GARRE1: variants seen among roughly 807,000 people sequenced by gnomAD.
The protein encoded by GARRE1 is granule associated Rac and RHOG effector protein 1.
In GARRE1, 49 loss-of-function variants were observed where a neutral mutation model predicts 103.2. The ratio of observed to expected loss-of-function variants is 0.47; its 90% CI spans 0.38 to 0.60. The LOEUF (loss-of-function observed/expected upper bound fraction) is 0.60. Ranked by LOEUF, GARRE1 falls within the 20% of genes least tolerant of loss-of-function variation. The pLI, the probability that GARRE1 is intolerant of heterozygous loss-of-function variation, is 0.00. For synonymous variants in GARRE1, 505 were observed against 532.8 expected, an observed-to-expected ratio of 0.95 and a Z score of 0.72; for missense variants, 1,199 against 1,370.5, an observed-to-expected ratio of 0.87 and a Z score of 1.98.
At position 34,330,300 on chromosome 19, in the gene GARRE1, G is replaced by A; in HGVS notation, c.1216G>A (p.Gly406Ser). 6.2e-7 allele frequency: 1 copy of A among 1,614,216 alleles called. No individual in the cohort carries two copies. The highest frequency in any genetic ancestry group is 8.5e-7 in the Non-Finnish European group (1 of 1,180,046). The stretch of plus-strand genomic sequence containing the variant: ...CCAGGTTTGCCCTTCCACATGGCGA[G>A]GTGCCTGCAAGACGGCGGTGCAGCT... The part of the protein sequence containing the change: ...LNQVCPSTWR[G>S]ACKTAVQLLF... Residue 406 changes from glycine (G) to serine (S), a missense_variant, in exon 7 of 14, where the codon GGT becomes AGT. Transcript: ENST00000299505.
intron 7 of GARRE1, among the ~76,000 whole-genome samples, 185 bp downstream of exon 7, chr19:34,330,532 A>G (rs2074132577): frequency 6.6e-6 from 1 of 152,228 alleles, no homozygotes; most frequent in Admixed American, 6.5e-5. Flanking sequence ...CTTTAAAAAG[A>G]AAAACCAGAT....
At chr19:34,307,546 C>CAT (rs2074012665) in intron 2 of GARRE1, among the ~76,000 whole-genome samples, 1 of 148,004 alleles carries the variant, frequency 6.8e-6, no homozygotes, top group Non-Finnish European at 1.5e-5. Context: ...ATATGCCAGA[C>CAT]ATATATATAA....
chr19:34,336,977 C>A (rs1166240794), intron 8 of GARRE1, among the ~76,000 whole-genome samples: 6 of 151,482 alleles, frequency 4.0e-5, no homozygotes, highest in Non-Finnish European at 7.4e-5. Flanking sequence ...CAAAAAACAC[C>A]TTGTAGACTG....
At chr19:34,264,605 A>G (rs193263611) in intron 1 of GARRE1, among the ~76,000 whole-genome samples, 9 of 152,212 alleles carry the variant, frequency 5.9e-5, no homozygotes, top group South Asian at 2.1e-4. Flanking sequence ...TCACTGTGTT[A>G]GCCAGGATGG....
intron 3 of GARRE1, among the ~76,000 whole-genome samples, chr19:34,325,712 C>T (rs1279672817): frequency 4.6e-5 from 7 of 152,186 alleles, no homozygotes; most frequent in East Asian, 1.9e-4. Flanking sequence ...CCCCTCAGCA[C>T]GACCTGCCTA....
chr19:34,327,426 A>G lies in GARRE1; in HGVS notation c.711A>G (p.Thr237=). 1.2e-6 allele frequency: 2 copies of G among 1,614,104 alleles called. No homozygotes were observed. Among genetic ancestry groups the G allele is most frequent in the Non-Finnish European group, 1.7e-6 (2 of 1,180,000 alleles). The change falls in exon 4 of 14, where the codon ACA becomes ACG. Residue 237 remains threonine, a synonymous_variant. Coordinates refer to ENST00000299505, the MANE Select transcript of GARRE1 (RefSeq NM_014686.5). ...AGTTACTATATATGTTACAGGCGAC[A>G]TCTAGACTAAGAGAAAGAGGCTGTG... ...VRSWRGAAEA[T]SRLRERGCDG... is the part of the protein sequence containing the mutation.
At chr19:34,262,830 G>C (rs889294675) in intron 1 of GARRE1, among the ~76,000 whole-genome samples, 3 of 152,090 alleles carry the variant, frequency 2.0e-5, no homozygotes, top group Admixed American at 2.0e-4. Flanking sequence ...AAGAAGCAAG[G>C]TACAGAACAA....
At chr19:34,304,529 C>A (rs958509770) in intron 2 of GARRE1, among the ~76,000 whole-genome samples, 2 of 151,814 alleles carry the variant, frequency 1.3e-5, no homozygotes, top group African/African-American at 2.4e-5. Context: ...GCACGTGCCA[C>A]CACACCTGGC....
intron 1 of GARRE1, among the ~76,000 whole-genome samples, chr19:34,259,685 A>G (rs1258080191): frequency 6.6e-6 from 1 of 151,070 alleles, no homozygotes; most frequent in African/African-American, 2.4e-5. Context: ...TTTGTTTTGT[A>G]TTTCATTCAG....
Position 34,300,367 on chromosome 19 carries a change from A to G in GARRE1, c.-107A>G. On this transcript the variant is annotated 5_prime_UTR_variant, in exon 2 of 14. Coordinates refer to ENST00000299505, the MANE Select transcript of GARRE1 (RefSeq NM_014686.5). ...GCCTCATGGAAATGCCTTTTTTAAA[A>G]CTTCGATTTGCAGAACTCCACTATT... 7.3e-7 allele frequency: 1 copy of G among 1,371,390 alleles called. No homozygotes were observed. The highest frequency in any genetic ancestry group is 9.8e-7 in the Non-Finnish European group (1 of 1,021,788). The allele number at this position is 1,371,390 out of a possible 1,614,324, so 85.0% of individuals were successfully genotyped here.
rs1248881512 is a variant in GARRE1 at position 34,354,712 on chromosome 19, G to A, written c.*1757G>A. The A allele has an allele frequency of 6.6e-6, 1 of 152,360 alleles. No individual in the cohort carries two copies. Among genetic ancestry groups the A allele is most frequent in the Non-Finnish European group, 1.5e-5 (1 of 67,978 alleles). The allele number at this position is 152,360 out of a possible 1,614,324, so 9.4% of individuals were successfully genotyped here. Reference sequence around the variant, plus strand: ...AAAGAATATATATATATGTATGTATGTATGTATGTAAACACACACACTAAT... The same window carrying A: ...AAAGAATATATATATATGTATGTATATATGTATGTAAACACACACACTAAT... On this transcript the variant is annotated 3_prime_UTR_variant, in exon 14 of 14. Transcript: ENST00000299505.
chr19:34,263,492 T>C (rs1166051625), intron 1 of GARRE1, among the ~76,000 whole-genome samples: 2 of 151,624 alleles, frequency 1.3e-5, no homozygotes, highest in Non-Finnish European at 2.9e-5. Context: ...CTTTTTTTTT[T>C]TTTGAGACAG....
At chr19:34,301,166 TGTG>T (rs888955764) in intron 2 of GARRE1, among the ~76,000 whole-genome samples, 198 bp downstream of exon 2, 1 of 152,086 alleles carries the variant, frequency 6.6e-6, no homozygotes, top group Admixed American at 6.6e-5. Context: ...TAAGGGTAGG[TGTG>T]GTGGCTGTAA....
chr19:34,318,456 G>C (rs2074070001), intron 2 of GARRE1, among the ~76,000 whole-genome samples: 1 of 152,218 alleles, frequency 6.6e-6, no homozygotes, highest in Non-Finnish European at 1.5e-5. Context: ...TGGGCTGAGG[G>C]CCGGCTGTGA....
chr19:34,301,718 C>T (rs1463147429), intron 2 of GARRE1, among the ~76,000 whole-genome samples: 3 of 149,794 alleles, frequency 2.0e-5, no homozygotes, highest in African/African-American at 2.4e-5. Flanking sequence ...AGTCCTGCTC[C>T]GTCGCCCAGG....
intron 1 of GARRE1, among the ~76,000 whole-genome samples, chr19:34,260,836 A>G (rs184245900): frequency 1.3e-5 from 2 of 152,382 alleles, no homozygotes; most frequent in Admixed American, 6.5e-5. Flanking sequence ...GAAGGCATGC[A>G]TGGAATGTGT....
At chr19:34,301,982 C>CTTTTTTTTT (rs35417822) in intron 2 of GARRE1, among the ~76,000 whole-genome samples, 1 of 50,030 alleles carries the variant, frequency 2.0e-5, no homozygotes, top group African/African-American at 6.6e-5. Flanking sequence ...TGCGCCCAGC[C>CTTTTTTTTT]TTTTTTTTTT....
chr19:34,284,483 AT>A (rs1355755820), intron 1 of GARRE1, among the ~76,000 whole-genome samples: 3 of 152,196 alleles, frequency 2.0e-5, no homozygotes, highest in African/African-American at 7.2e-5. Context: ...GATGACTCTA[AT>A]TGTAGAAATG....
intron 2 of GARRE1, 62 bp from the exon 3 acceptor site, chr19:34,319,845 T>G (rs935597996): frequency 2.1e-6 from 3 of 1,455,348 alleles, no homozygotes; most frequent in Non-Finnish European, 2.9e-6. Context: ...CATTGAAAAT[T>G]TACTGCGCGA....
Sources: gnomAD v4.1 joint callset for allele counts (sites outside exome capture counted in the v4.1 genomes callset) on GRCh38, gnomAD v4.1.1 for gene constraint, MANE v1.5 for transcripts, NCBI Gene and HGNC (gene_info 2026-07-23, HGNC 2026-07-21) for gene names.